Variants in HS3ST3A1 observed in about 807,000 individuals in gnomAD.
HS3ST3A1 encodes the protein heparan sulfate-glucosamine 3-sulfotransferase 3A1.
HS3ST3A1 carries 19 observed loss-of-function variants against 25.7 expected under a neutral mutation model. That is an observed-to-expected ratio of 0.74 (90% CI 0.52 to 1.08). The LOEUF is 1.08. HS3ST3A1 is among the 50% of genes least tolerant of loss of function. HS3ST3A1 has a pLI of 0.00. For missense variants in HS3ST3A1, 459 were observed against 594.3 expected, an observed-to-expected ratio of 0.77 and a Z score of 2.37; for synonymous variants, 226 against 278.6, an observed-to-expected ratio of 0.81 and a Z score of 1.88.
intron 1 of HS3ST3A1, among the ~76,000 whole-genome samples, chr17:13,599,516 C>A (rs950026991): frequency 2.6e-5 from 4 of 151,904 alleles, no homozygotes; most frequent in African/African-American, 9.7e-5. Context: ...GAGAATGCAT[C>A]TTTTATGAAC....
chr17:13,537,074 C>T (rs1001286433), intron 1 of HS3ST3A1, among the ~76,000 whole-genome samples: 1 of 152,170 alleles, frequency 6.6e-6, no homozygotes, highest in African/African-American at 2.4e-5. Flanking sequence ...CAACTTTGTG[C>T]TTCAGAGCAT....
intron 1 of HS3ST3A1, among the ~76,000 whole-genome samples, chr17:13,583,133 T>A (rs1420793221): frequency 6.6e-6 from 1 of 152,216 alleles, no homozygotes; most frequent in Admixed American, 6.5e-5. Flanking sequence ...TTTCGGCATC[T>A]GTGAATTTTA....
intron 1 of HS3ST3A1, among the ~76,000 whole-genome samples, chr17:13,523,595 A>C (rs1329048562): frequency 6.6e-6 from 1 of 152,150 alleles, no homozygotes; most frequent in East Asian, 1.9e-4. Flanking sequence ...TGTGCCCTCC[A>C]CACTAAGAGA....
intron 1 of HS3ST3A1, among the ~76,000 whole-genome samples, chr17:13,586,216 TG>T (rs1908264044): frequency 6.6e-6 from 1 of 152,104 alleles, no homozygotes; most frequent in African/African-American, 2.4e-5. Context: ...CCTTTTCGCA[TG>T]GCTAGTATTC....
chr17:13,509,881 C>T (rs774253867), intron 1 of HS3ST3A1, among the ~76,000 whole-genome samples: 1 of 152,208 alleles, frequency 6.6e-6, no homozygotes, highest in African/African-American at 2.4e-5. Flanking sequence ...GCTTGGCTCA[C>T]TGTTCTTTCT....
intron 1 of HS3ST3A1, among the ~76,000 whole-genome samples, chr17:13,504,568 T>C (rs1189921768): frequency 6.6e-6 from 1 of 152,148 alleles, no homozygotes; most frequent in Non-Finnish European, 1.5e-5. Context: ...CAGAAGCGTA[T>C]CCACTTTGTG....
intron 1 of HS3ST3A1, among the ~76,000 whole-genome samples, chr17:13,581,806 A>G (rs140754698): frequency 4.5e-4 from 68 of 152,342 alleles, no homozygotes; most frequent in Non-Finnish European, 8.4e-4. Flanking sequence ...TTCATTTCCA[A>G]TGCTAATAAT....
chr17:13,514,588 A>G (rs1428472016), intron 1 of HS3ST3A1, among the ~76,000 whole-genome samples: 1 of 152,122 alleles, frequency 6.6e-6, no homozygotes, highest in East Asian at 1.9e-4. Flanking sequence ...GCACTCTTTT[A>G]ATTATTGCAA....
chr17:13,577,736 C>G (rs550056597), intron 1 of HS3ST3A1, among the ~76,000 whole-genome samples: 1 of 152,180 alleles, frequency 6.6e-6, no homozygotes. Flanking sequence ...GGCAAAGCCA[C>G]GGCTAGATCC....
At chr17:13,534,924 G>C (rs1906724262) in intron 1 of HS3ST3A1, among the ~76,000 whole-genome samples, 1 of 152,176 alleles carries the variant, frequency 6.6e-6, no homozygotes, top group African/African-American at 2.4e-5. Flanking sequence ...TACTAGGGAG[G>C]CTGAGGCAGG....
At chr17:13,581,962 CT>C (rs1420295969) in intron 1 of HS3ST3A1, among the ~76,000 whole-genome samples, 3 of 152,148 alleles carry the variant, frequency 2.0e-5, no homozygotes, top group Non-Finnish European at 4.4e-5. Flanking sequence ...CAGACTCATA[CT>C]TTTTTCTTTC....
chr17:13,598,770 C>T (rs72808876), intron 1 of HS3ST3A1, among the ~76,000 whole-genome samples: 15,833 of 151,846 alleles, frequency 0.1, 986 homozygotes, highest in Non-Finnish European at 0.14. Context: ...AAAATAAGAT[C>T]CAGGTCTGCA....
chr17:13,506,499 T>A (rs949342847), intron 1 of HS3ST3A1, among the ~76,000 whole-genome samples: 2 of 152,180 alleles, frequency 1.3e-5, no homozygotes, highest in Non-Finnish European at 2.9e-5. Flanking sequence ...TATAAATAAT[T>A]ACACAGAGCA....
At chr17:13,529,402 A>T (rs1433461714) in intron 1 of HS3ST3A1, among the ~76,000 whole-genome samples, 3 of 152,240 alleles carry the variant, frequency 2.0e-5, no homozygotes, top group Non-Finnish European at 4.4e-5. Context: ...AATTCTAACA[A>T]GGAAGACCAT....
chr17:13,597,985 A>T (rs1908626916), intron 1 of HS3ST3A1, among the ~76,000 whole-genome samples: 1 of 152,242 alleles, frequency 6.6e-6, no homozygotes, highest in South Asian at 2.1e-4. Context: ...GGGCAAAAAA[A>T]GGCTAGACCT....
chr17:13,585,846 T>C (rs1473156261), intron 1 of HS3ST3A1, among the ~76,000 whole-genome samples: 2 of 131,144 alleles, frequency 1.5e-5, no homozygotes, highest in Admixed American at 7.5e-5. Context: ...CTGCGTTTTT[T>C]TTTTTTTTTT....
rs1567628830 is a variant in HS3ST3A1, at chr17:13,579,960, A to AAAAAAAG, written c.599+20564_599+20570dup. 2.0e-5 allele frequency among the ~76,000 whole-genome samples: 3 copies of AAAAAAAG among 147,204 alleles called. No individual in the cohort carries two copies. The East Asian group carries it at 5.9e-4, about 29-fold the overall frequency. ...ACTCTGTCTAAAAAAAAAAAAAAAA[A>AAAAAAAG]AAAAAAGAAAAAAGAAATTATACAT... is the stretch of plus-strand genomic sequence containing the variant. On this transcript the variant is annotated intron_variant, in intron 1 of 1. Coordinates refer to ENST00000284110, the MANE Select transcript of HS3ST3A1 (RefSeq NM_006042.3).
At chr17:13,550,282 C>T (rs1320652120) in intron 1 of HS3ST3A1, among the ~76,000 whole-genome samples, 3 of 152,168 alleles carry the variant, frequency 2.0e-5, no homozygotes, top group Non-Finnish European at 4.4e-5. Flanking sequence ...CCAGCCTATT[C>T]CCTCTTCTTC....
intron 1 of HS3ST3A1, among the ~76,000 whole-genome samples, chr17:13,588,873 A>G (rs1222851118): frequency 6.6e-6 from 1 of 152,056 alleles, no homozygotes; most frequent in Non-Finnish European, 1.5e-5. Context: ...TTTAGTAGAG[A>G]CGGGGTTTCA....
Sources: gnomAD v4.1 joint callset for allele counts (sites outside exome capture counted in the v4.1 genomes callset) on GRCh38, gnomAD v4.1.1 for gene constraint, MANE v1.5 for transcripts, NCBI Gene and HGNC (gene_info 2026-07-23, HGNC 2026-07-21) for gene names.